Variants in GYPC observed in about 807,000 individuals in gnomAD.
GYPC encodes glycophorin-C.
GYPC carries 14 observed loss-of-function variants against 12.6 expected under a neutral mutation model. The observed-to-expected ratio is 1.11, with a 90% confidence interval of 0.74 to 1.74. The LOEUF (loss-of-function observed/expected upper bound fraction) is 1.74, where lower values mean the gene tolerates loss of function less well. Ranked by LOEUF, GYPC falls within the 40% of genes most tolerant of loss-of-function variation. The pLI, the probability that GYPC is intolerant of heterozygous loss-of-function variation, is 0.00. For missense variants in GYPC, 225 were observed against 172.1 expected (o/e 1.31, Z -1.72); for synonymous variants, 78 against 62.1 (o/e 1.26, Z -1.20).
intron 1 of GYPC, among the ~76,000 whole-genome samples, chr2:126,668,961 C>A (rs965234005): frequency 6.6e-6 from 1 of 152,172 alleles, no homozygotes; most frequent in Admixed American, 6.6e-5. Flanking sequence ...TGACTTACTG[C>A]GATTAGTTGC....
At chr2:126,678,537 G>A (rs1345281352) in intron 1 of GYPC, 1 of 152,268 alleles carries the variant, frequency 6.6e-6, no homozygotes, top group Non-Finnish European at 1.5e-5. Context: ...GGCCTTTCCT[G>A]AACCCTTGAG....
In GYPC at chr2:126,696,101, C is replaced by G; in HGVS notation, c.346C>G (p.Gln116Glu). 1 of 1,614,062 alleles carries G rather than the reference C, an allele frequency of 6.2e-7. No homozygotes were observed. The change falls in exon 4 of 4, where the codon CAA (glutamine) becomes GAA (glutamate). Residue 116 changes from glutamine to glutamate, a missense_variant. Physicochemically the swap from Gln to Glu is conservative, Grantham distance 29 (BLOSUM62 2). Coordinates refer to ENST00000259254, the MANE Select transcript of GYPC (RefSeq NM_002101.5). ...AGCCCTGCAGGGAGACCCTGCCCTCCAAGATGCTGGTGATAGCAGCAGAAA... is the reference window on the plus strand; with the variant it reads ...AGCCCTGCAGGGAGACCCTGCCCTCGAAGATGCTGGTGATAGCAGCAGAAA... ...DAALQGDPAL[Q>E]DAGDSSRKEY...
At chr2:126,693,580 A>AG (rs1316763795) in intron 2 of GYPC, among the ~76,000 whole-genome samples, 2 of 152,204 alleles carry the variant, frequency 1.3e-5, no homozygotes, top group African/African-American at 2.4e-5. Flanking sequence ...TACCACGTGC[A>AG]GCACCACTCT....
intron 3 of GYPC, 134 bp from the exon 4 acceptor site, chr2:126,695,812 T>C (rs1683624888): frequency 5.3e-6 from 4 of 754,904 alleles, no homozygotes; most frequent in Non-Finnish European, 9.6e-6. Context: ...CTGGCTCCCA[T>C]CATAAATCAA....
chr2:126,677,614 G>A (rs765302810), intron 1 of GYPC, among the ~76,000 whole-genome samples: 1 of 151,830 alleles, frequency 6.6e-6, no homozygotes, highest in Admixed American at 6.6e-5. Context: ...AATATATGAG[G>A]ACAATAAGAA....
intron 2 of GYPC, among the ~76,000 whole-genome samples, chr2:126,693,208 A>T (rs530087833): frequency 1.3e-5 from 2 of 152,362 alleles, no homozygotes; most frequent in Non-Finnish European, 2.9e-5. Context: ...AGCTGTCGTG[A>T]GACTGGATTA....
chr2:126,669,211 G>C (rs1682771096), intron 1 of GYPC, among the ~76,000 whole-genome samples: 1 of 152,294 alleles, frequency 6.6e-6, no homozygotes, highest in African/African-American at 2.4e-5. Flanking sequence ...ACAAGTTGCA[G>C]GGATACGAAG....
At chr2:126,681,791 A>AAG (rs1558887067) in intron 1 of GYPC, among the ~76,000 whole-genome samples, 2 of 109,888 alleles carry the variant, frequency 1.8e-5, no homozygotes, top group Admixed American at 2.3e-4. Context: ...AAAAAAAAAA[A>AAG]AAAGAAAGAA....
At chr2:126,686,411 T>C (rs1683290533) in intron 1 of GYPC, 24 of 985,494 alleles carry the variant, frequency 2.4e-5, no homozygotes, top group Non-Finnish European at 2.9e-5. Context: ...GCTGACATCC[T>C]GAGGACATAG....
intron 1 of GYPC, among the ~76,000 whole-genome samples, chr2:126,674,437 G>A (rs1416787069): frequency 1.6e-5 from 2 of 127,264 alleles, no homozygotes; most frequent in East Asian, 4.4e-4. Context: ...CAACAGGAAG[G>A]ACCTGATGGG....
chr2:126,676,044 GT>G (rs1428644593), intron 1 of GYPC, among the ~76,000 whole-genome samples: 2 of 152,156 alleles, frequency 1.3e-5, no homozygotes, highest in African/African-American at 4.8e-5. Flanking sequence ...TCTTCCAGCT[GT>G]GCTGTGAGCC....
chr2:126,690,118 C>T, intron 1 of GYPC, 137 bp from the exon 2 acceptor site: 3 of 741,110 alleles, frequency 4.0e-6, no homozygotes, highest in Middle Eastern at 6.5e-4. Context: ...TCGGTGGGTG[C>T]ACCACACTGT....
intron 3 of GYPC, among the ~76,000 whole-genome samples, chr2:126,694,252 G>A (rs1451380637): frequency 1.3e-5 from 2 of 152,102 alleles, no homozygotes; most frequent in Non-Finnish European, 2.9e-5. Flanking sequence ...GGTGAGATGA[G>A]GGTAGACTGA....
chr2:126,682,427 G>A (rs900693877), intron 1 of GYPC, among the ~76,000 whole-genome samples: 1 of 152,162 alleles, frequency 6.6e-6, no homozygotes, highest in Non-Finnish European at 1.5e-5. Context: ...CAGGCATGGG[G>A]GTAGACAGGG....
chr2:126,695,826 G>T, intron 3 of GYPC, 120 bp from the exon 4 acceptor site: 1 of 785,480 alleles, frequency 1.3e-6, no homozygotes, highest in Non-Finnish European at 2.3e-6. Context: ...AAATCAAGGA[G>T]CATCTCTTTT....
At chr2:126,674,230 G>A (rs995594939) in intron 1 of GYPC, among the ~76,000 whole-genome samples, 1 of 152,196 alleles carries the variant, frequency 6.6e-6, no homozygotes, top group Non-Finnish European at 1.5e-5. Context: ...CCTCTTATCA[G>A]TCAGCTGCAG....
rs1410132389 is a variant in GYPC at position 126,659,862 on chromosome 2, CCCTCCACCT to C, written c.49+3563_49+3571del. 1.1e-4 allele frequency among the ~76,000 whole-genome samples: 16 copies of C among 150,936 alleles called. No homozygotes were observed. The South Asian group carries it at 2.7e-3, about 26-fold the overall frequency. On this transcript the variant is annotated intron_variant, in intron 1 of 3. Transcript: ENST00000259254. ...AGTGGTGTGATCTCAGGTCATTGCA[CCCTCCACCT>C]CCTCCACCTCCTGCGTTGAAGAGAT...
At chr2:126,676,870 A>G (rs28387153) in intron 1 of GYPC, among the ~76,000 whole-genome samples, 10,474 of 152,288 alleles carry the variant, frequency 0.069, 455 homozygotes, top group Non-Finnish European at 0.1. Context: ...CTGTTTCAGA[A>G]GCAAAATGAA....
chr2:126,691,347 C>G (rs1683458020), intron 2 of GYPC, among the ~76,000 whole-genome samples: 1 of 152,120 alleles, frequency 6.6e-6, no homozygotes, highest in African/African-American at 2.4e-5. Context: ...TTACACTGTA[C>G]TTCCCCACCC....
Sources: gnomAD v4.1 joint callset for allele counts (sites outside exome capture counted in the v4.1 genomes callset) on GRCh38, gnomAD v4.1.1 for gene constraint, MANE v1.5 for transcripts, NCBI Gene and HGNC (gene_info 2026-07-23, HGNC 2026-07-21) for gene names.